TENM1: variants seen among roughly 807,000 people sequenced by gnomAD.
The protein encoded by TENM1 is teneurin transmembrane protein 1.
In TENM1, 35 loss-of-function variants were observed where a neutral mutation model predicts 174.8. The observed-to-expected ratio is 0.20, with a 90% confidence interval of 0.15 to 0.27. The LOEUF (loss-of-function observed/expected upper bound fraction) is 0.27. Among genes scored for constraint, TENM1 ranks in the 10% least tolerant of loss-of-function variants. TENM1 has a pLI of 1.00. For missense variants in TENM1, 1,633 were observed against 2,130.1 expected, an observed-to-expected ratio of 0.77 and a Z score of 4.59; for synonymous variants, 781 against 798.7, an observed-to-expected ratio of 0.98 and a Z score of 0.37.
intron 27 of TENM1, among the ~76,000 whole-genome samples, chrX:124,398,953 A>G (rs945602290): frequency 8.9e-6 from 1 of 112,706 alleles, no homozygotes; most frequent in Non-Finnish European, 1.9e-5. Flanking sequence ...AAACTGCTTG[A>G]GTTAGAAGGA....
chrX:124,639,300 G>T (rs1255572834), intron 11 of TENM1, among the ~76,000 whole-genome samples: 1 of 111,614 alleles, frequency 9.0e-6, no homozygotes, highest in Non-Finnish European at 1.9e-5. Context: ...TGTTTAAACT[G>T]CTCCTTCTGC....
At chrX:124,591,177 T>A (rs1041025705) in intron 11 of TENM1, among the ~76,000 whole-genome samples, 1 of 112,049 alleles carries the variant, frequency 8.9e-6, no homozygotes, top group Non-Finnish European at 1.9e-5. Flanking sequence ...CTTGTTTTTT[T>A]ATCCAACTTG....
At chrX:125,055,592 C>A in the TENM1 span, among the ~76,000 whole-genome samples, 1 of 111,046 alleles carries the variant, frequency 9.0e-6, no homozygotes, top group Non-Finnish European at 1.9e-5. Flanking sequence ...GGCATTTTTG[C>A]AAATATAAAT....
At chrX:124,796,175 C>T (rs1422982965) in intron 3 of TENM1, among the ~76,000 whole-genome samples, 1 of 111,307 alleles carries the variant, frequency 9.0e-6, no homozygotes, top group Non-Finnish European at 1.9e-5. Flanking sequence ...CTTTCATTTC[C>T]AGATTTACTC....
intron 3 of TENM1, among the ~76,000 whole-genome samples, chrX:124,822,424 A>T (rs1193733315): frequency 2.7e-5 from 3 of 112,027 alleles, no homozygotes; most frequent in Non-Finnish European, 3.8e-5. Context: ...GAGACTGTTT[A>T]AAGAGTTTAT....
chrX:124,990,830 T>C, the TENM1 span, among the ~76,000 whole-genome samples: 1 of 111,688 alleles, frequency 9.0e-6, no homozygotes, highest in Non-Finnish European at 1.9e-5. Context: ...TTAATGTGAG[T>C]GAGGCTAGGG....
rs538111720 is a variant in TENM1 at position 124,538,310 on chromosome X, T to A, written c.2652-8327A>T. 4.5e-5 allele frequency among the ~76,000 whole-genome samples: 5 copies of A among 111,478 alleles called. No individual in the cohort carries two copies. The East Asian group carries it at 1.4e-3, about 31-fold the overall frequency. On this transcript the variant is annotated intron_variant, in intron 15 of 31. Transcript: ENST00000422452. Reference sequence around the variant, plus strand: ...GTACTTCCCAATTAGGACAACAACTTCAGAGGTGATAAGCAAGGGAGATTG... The same window carrying A: ...GTACTTCCCAATTAGGACAACAACTACAGAGGTGATAAGCAAGGGAGATTG...
chrX:125,037,937 G>C, the TENM1 span, among the ~76,000 whole-genome samples: 1 of 111,069 alleles, frequency 9.0e-6, no homozygotes, highest in African/African-American at 3.3e-5. Context: ...AACTTTATCT[G>C]TTTCACATCT....
At chrX:124,662,945 C>A (rs1007038996) in intron 6 of TENM1, among the ~76,000 whole-genome samples, 7 of 111,752 alleles carry the variant, frequency 6.3e-5, no homozygotes, top group Admixed American at 9.5e-5. Context: ...TGTTAGCTTT[C>A]CACAGTACTT....
intron 11 of TENM1, among the ~76,000 whole-genome samples, chrX:124,597,766 C>T (rs1339211592): frequency 1.8e-5 from 2 of 111,547 alleles, no homozygotes; most frequent in African/African-American, 6.5e-5. Context: ...AGACCTCAAA[C>T]TATGAAACTA....
intron 3 of TENM1, among the ~76,000 whole-genome samples, chrX:124,842,551 G>A (rs188479931): frequency 9.0e-6 from 1 of 111,429 alleles, no homozygotes; most frequent in Non-Finnish European, 1.9e-5. Context: ...TTTGAGGCTG[G>A]AAGTCTGACA....
chrX:125,013,535 T>C, the TENM1 span, among the ~76,000 whole-genome samples: 2 of 111,525 alleles, frequency 1.8e-5, no homozygotes, highest in African/African-American at 6.5e-5. Flanking sequence ...AGTGCTAATA[T>C]TGGGTGCTGA....
At chrX:124,589,118 G>GTATT (rs1406497660) in intron 11 of TENM1, among the ~76,000 whole-genome samples, 1 of 107,664 alleles carries the variant, frequency 9.3e-6, no homozygotes, top group Non-Finnish European at 1.9e-5. Context: ...TATCATGAAG[G>GTATT]TATTTTGGAG....
chrX:125,074,859 C>T, the TENM1 span, among the ~76,000 whole-genome samples: 3,930 of 111,623 alleles, frequency 0.035, 82 homozygotes, highest in Non-Finnish European at 0.056. Context: ...ATCTGTCACT[C>T]ATCATTAAAA....
At chrX:124,720,503 T>C (rs757404219) in intron 4 of TENM1, among the ~76,000 whole-genome samples, 46 of 111,676 alleles carry the variant, frequency 4.1e-4, no homozygotes, top group African/African-American at 1.3e-3. Flanking sequence ...TTGATTGATG[T>C]ATTAAGTCTC....
At chrX:124,961,349 G>T (rs1043842831) in intron 1 of TENM1, among the ~76,000 whole-genome samples, 3 of 111,618 alleles carry the variant, frequency 2.7e-5, no homozygotes, top group Non-Finnish European at 3.8e-5. Context: ...CATAAGAAGA[G>T]GTTAAAAAGA....
At chrX:125,123,694 C>G in the TENM1 span, among the ~76,000 whole-genome samples, 4 of 111,816 alleles carry the variant, frequency 3.6e-5, no homozygotes, top group Admixed American at 3.8e-4. Flanking sequence ...TAGACTGCTC[C>G]TCAATTAAAT....
the TENM1 span, among the ~76,000 whole-genome samples, chrX:125,008,450 C>T: frequency 6.3e-5 from 7 of 111,563 alleles, no homozygotes; most frequent in African/African-American, 2.0e-4. Flanking sequence ...TTTAACACTC[C>T]GTTGTCAATA....
intron 22 of TENM1, among the ~76,000 whole-genome samples, chrX:124,456,357 AG>A (rs1370665327): frequency 8.9e-6 from 1 of 112,184 alleles, no homozygotes; most frequent in African/African-American, 3.2e-5. Context: ...ACTATGTGAT[AG>A]GTGCTTCATA....
Sources: allele counts gnomAD v4.1 joint callset (sites outside exome capture counted in the v4.1 genomes callset), GRCh38; gene constraint gnomAD v4.1.1; transcripts MANE v1.5; gene names NCBI Gene and HGNC (gene_info 2026-07-23, HGNC 2026-07-21).